The following ZNF765 variants were observed in gnomAD, a reference collection of about 807,000 sequenced individuals.
The protein encoded by ZNF765 is zinc finger protein 765.
In ZNF765, 37 loss-of-function variants were observed where a neutral mutation model predicts 44.7. That is an observed-to-expected ratio of 0.83 (90% CI 0.64 to 1.09). ZNF765 has a LOEUF of 1.09. Ranked by LOEUF, ZNF765 falls within the 50% of genes least tolerant of loss-of-function variation. The pLI, the probability that ZNF765 is intolerant of heterozygous loss-of-function variation, is 0.00. For synonymous variants in ZNF765, 201 were observed against 213.7 expected, an observed-to-expected ratio of 0.94 and a Z score of 0.52; for missense variants, 594 against 626.1, an observed-to-expected ratio of 0.95 and a Z score of 0.55.
At chr19:53,421,959 CTG>C (rs895329481) in intron 3 of ZNF765, among the ~76,000 whole-genome samples, 1 of 152,156 alleles carries the variant, frequency 6.6e-6, no homozygotes, top group Non-Finnish European at 1.5e-5. Context: ...AAATGAGTCT[CTG>C]TGTGGCTGTC....
chr19:53,412,832 C>T (rs1378564956), downstream of ZNF765, among the ~76,000 whole-genome samples: 1 of 150,540 alleles, frequency 6.6e-6, no homozygotes, highest in East Asian at 2.0e-4. Context: ...ATCAGTTTTA[C>T]AAAAAAAAAT....
intron 3 of ZNF765, among the ~76,000 whole-genome samples, chr19:53,406,941 T>G (rs2085781079): frequency 6.6e-6 from 1 of 152,144 alleles, no homozygotes; most frequent in African/African-American, 2.4e-5. Flanking sequence ...AAAAATTTGT[T>G]TAAAAATGTC....
chr19:53,423,333 C>T (rs1464468322), exon 4 of ZNF765: 3 of 620,756 alleles, frequency 4.8e-6, no homozygotes, highest in East Asian at 3.5e-5. Context: ...GTCGCTGACG[C>T]GGCACTGCTG....
intron 3 of ZNF765, among the ~76,000 whole-genome samples, chr19:53,422,149 G>A (rs1427694639): frequency 6.6e-6 from 1 of 152,142 alleles, no homozygotes; most frequent in East Asian, 1.9e-4. Flanking sequence ...ATAAAATTAT[G>A]AAATTAAATG....
At chr19:53,422,466 C>T (rs1171999850) in intron 3 of ZNF765, among the ~76,000 whole-genome samples, 1 of 152,190 alleles carries the variant, frequency 6.6e-6, no homozygotes, top group East Asian at 1.9e-4. Context: ...ATTGCAAATA[C>T]ACTTAAAATA....
chr19:53,412,941 C>T (rs1257119112), downstream of ZNF765, among the ~76,000 whole-genome samples: 1 of 152,072 alleles, frequency 6.6e-6, no homozygotes, highest in African/African-American at 2.4e-5. Context: ...GAAACCCCGT[C>T]TCTACTAAAA....
chr19:53,397,860 A>C lies in ZNF765; in HGVS notation c.-73-83A>C, dbSNP rs555100496. ...TAGGGGACCGTATGTCCTCAGGATG[A>C]GGTCTCCTTTGTATGTGTTGTTGTG... On this transcript the variant is annotated intron_variant, in intron 1 of 3. Coordinates refer to ENST00000396408, the MANE Select transcript of ZNF765 (RefSeq NM_001040185.3). 123 of 1,308,324 alleles carry C rather than the reference A, an allele frequency of 9.4e-5. No homozygotes were observed. In the South Asian group the frequency reaches 1.6e-3, roughly 17 times the overall value. The allele number at this position is 1,308,324 out of a possible 1,614,324, so 81.0% of individuals were successfully genotyped here.
At chr19:53,421,519 AT>A (rs57074293) in intron 3 of ZNF765, among the ~76,000 whole-genome samples, 50,261 of 151,604 alleles carry the variant, frequency 0.33, 8,650 homozygotes, top group East Asian at 0.47. Context: ...TTATTTATTT[AT>A]TTTTTTTTTT....
chr19:53,421,694 A>G (rs961572474), intron 3 of ZNF765, among the ~76,000 whole-genome samples: 7 of 152,032 alleles, frequency 4.6e-5, no homozygotes, highest in African/African-American at 1.4e-4. Flanking sequence ...TTTGTGTTTT[A>G]GTAGAGATGG....
intron 2 of ZNF765, among the ~76,000 whole-genome samples, chr19:53,398,585 C>A (rs1012674093): frequency 6.6e-6 from 1 of 151,926 alleles, no homozygotes; most frequent in Admixed American, 6.6e-5. Flanking sequence ...TGTTTTATTC[C>A]GTCTTTATTT....
intron 3 of ZNF765, among the ~76,000 whole-genome samples, chr19:53,404,515 C>T (rs1456678400): frequency 2.6e-5 from 4 of 152,072 alleles, no homozygotes; most frequent in South Asian, 4.2e-4. Context: ...TGCGGTGGTG[C>T]GATCTTGGCT....
In ZNF765 at chr19:53,402,248, C is replaced by CTT. The variant is rs72582439; in HGVS notation, c.142+82_142+83dup. On this transcript the variant is annotated intron_variant, in intron 3 of 3. Transcript: ENST00000396408. ...CTTGCGTATCTTTGTATTTTCTCTC[C>CTT]TTTTTTTTTTTTTTTTTTTTTTTTT... is the stretch of plus-strand genomic sequence containing the variant. 1,651 of 1,259,148 alleles carry CTT rather than the reference C, an allele frequency of 1.3e-3. 9 individuals are homozygous for CTT. The highest frequency in any genetic ancestry group is 6.3e-3 in the South Asian group (411 of 65,330). 78.0% of individuals were successfully genotyped at this position (1,259,148 alleles called of 1,614,324 possible). A position where few individuals can be genotyped will look rare whatever the true frequency, so the allele number is the denominator to read the frequency against.
intron 2 of ZNF765, among the ~76,000 whole-genome samples, chr19:53,399,089 A>T (rs10417435): frequency 0.26 from 39,047 of 151,210 alleles, 5,270 homozygotes; most frequent in African/African-American, 0.34. Context: ...TCTTTTTTTT[A>T]AAATTATTAT....
At chr19:53,412,986 A>C (rs750823413), downstream of ZNF765, among the ~76,000 whole-genome samples, 3 of 152,172 alleles carry the variant, frequency 2.0e-5, no homozygotes, top group Non-Finnish European at 4.4e-5. Context: ...GGCAGATGCC[A>C]GTAATCCCAG....
chr19:53,402,223 C>T (rs1161421287), intron 3 of ZNF765, 32 bp downstream of exon 3: 4 of 1,570,828 alleles, frequency 2.5e-6, no homozygotes, highest in Non-Finnish European at 2.6e-6. Flanking sequence ...GGGATGTGCC[C>T]TTGCGTATCT....
Position 53,409,365 on chromosome 19 carries a change from T to A in ZNF765, c.*238T>A. 1.2e-6 allele frequency: 1 copy of A among 838,814 alleles called. No homozygotes were observed. The highest frequency in any genetic ancestry group is 1.4e-5 in the South Asian group (1 of 73,508). The allele number at this position is 838,814 out of a possible 1,614,324, so 52.0% of individuals were successfully genotyped here. On this transcript the variant is annotated 3_prime_UTR_variant, in exon 4 of 4. Coordinates refer to ENST00000396408, the MANE Select transcript of ZNF765 (RefSeq NM_001040185.3). ...TCATAAACTTCATAGTGGAGAGACCTTACAAATGTGAAGAATGTGAAGAAG... is the reference window on the plus strand; with the variant it reads ...TCATAAACTTCATAGTGGAGAGACCATACAAATGTGAAGAATGTGAAGAAG...
chr19:53,413,772 A>G (rs1191116578), downstream of ZNF765, among the ~76,000 whole-genome samples: 1 of 151,612 alleles, frequency 6.6e-6, no homozygotes, highest in Non-Finnish European at 1.5e-5. Context: ...TATTGGAAAA[A>G]TCTACATAAA....
At chr19:53,421,144 GCA>G (rs1384508307) in intron 3 of ZNF765, among the ~76,000 whole-genome samples, 2 of 152,186 alleles carry the variant, frequency 1.3e-5, no homozygotes, top group African/African-American at 4.8e-5. Context: ...GCTCTTTACT[GCA>G]CAGAGATGTT....
Position 53,410,014 on chromosome 19 carries a change from C to A in ZNF765, c.*887C>A. On this transcript the variant is annotated 3_prime_UTR_variant, in exon 4 of 4. Transcript: ENST00000396408. Reference sequence around the variant, plus strand: ...AGAGATCCTACAAGTGTGATAAATGCAGAATAAATGCAGAAAATTTTTCAG... The same window carrying A: ...AGAGATCCTACAAGTGTGATAAATGAAGAATAAATGCAGAAAATTTTTCAG... 1 of 511,312 alleles carries A rather than the reference C, an allele frequency of 2.0e-6. No homozygotes were observed. The allele number at this position is 511,312 out of a possible 1,614,324, so 31.7% of individuals were successfully genotyped here. A position where few individuals can be genotyped will look rare whatever the true frequency, so the allele number is the denominator to read the frequency against.
Sources: allele counts gnomAD v4.1 joint callset (sites outside exome capture counted in the v4.1 genomes callset), GRCh38; gene constraint gnomAD v4.1.1; transcripts MANE v1.5; gene names NCBI Gene and HGNC (gene_info 2026-07-23, HGNC 2026-07-21).